The following SIRPA variants were observed in gnomAD, a reference collection of about 807,000 sequenced individuals.
SIRPA encodes the protein tyrosine-protein phosphatase non-receptor type substrate 1.
In SIRPA, 9 loss-of-function variants were observed where a neutral mutation model predicts 50.3. The observed-to-expected ratio is 0.18, with a 90% confidence interval of 0.11 to 0.31. SIRPA has a LOEUF of 0.31. Ranked by LOEUF, SIRPA falls within the 10% of genes least tolerant of loss-of-function variation. The pLI is 1.00. For missense variants in SIRPA, 474 were observed against 661.6 expected (o/e 0.72, Z 3.11); for synonymous variants, 265 against 284.1 (o/e 0.93, Z 0.68).
chr20:1,928,353 C>G lies in SIRPA; in HGVS notation c.1226+454C>G. 6.6e-6 allele frequency among the ~76,000 whole-genome samples: 1 copy of G among 152,302 alleles called. No individual in the cohort carries two copies. The highest frequency in any genetic ancestry group is 2.4e-5 in the African/African-American group (1 of 41,562). ...ATAGAATCTGTGCCCTCTGCAAGCTCACAGCCTGGTCAGAGGCTCAGACGG... is the reference window on the plus strand; with the variant it reads ...ATAGAATCTGTGCCCTCTGCAAGCTGACAGCCTGGTCAGAGGCTCAGACGG... On this transcript the variant is annotated intron_variant, in intron 6 of 7. Transcript: ENST00000358771. The surrounding 1 kb of genome is among the most constrained non-coding windows in gnomAD (Gnocchi z 4.9).
At chr20:1,917,611 C>T (rs1223653574) in intron 2 of SIRPA, among the ~76,000 whole-genome samples, 1 of 152,178 alleles carries the variant, frequency 6.6e-6, no homozygotes, top group Non-Finnish European at 1.5e-5. Flanking sequence ...CTGCAGATGT[C>T]TCATGATATG....
chr20:1,921,636 C>T lies in SIRPA; in HGVS notation c.678C>T (p.Val226=). ...CCCGCGAGGACGTTCACTCTCAAGT[C>T]ATCTGCGAGGTGGCCCACGTCACCT... is the stretch of plus-strand genomic sequence containing the variant. ...VLTREDVHSQ[V]ICEVAHVTLQ... Residue 226 remains valine (V), a synonymous_variant, in exon 3 of 8, where the codon GTC becomes GTT. Transcript: ENST00000358771. The T allele has an allele frequency of 1.2e-6, 2 of 1,614,232 alleles. No individual in the cohort carries two copies. The highest frequency in any genetic ancestry group is 1.7e-6 in the Non-Finnish European group (2 of 1,180,034).
intron 4 of SIRPA, among the ~76,000 whole-genome samples, chr20:1,923,302 A>C (rs1209491242): frequency 1.3e-5 from 2 of 152,202 alleles, no homozygotes; most frequent in African/African-American, 2.4e-5. Context: ...TTTGTTTTCA[A>C]ATGGTGGCAC....
rs1986329552 is a variant in SIRPA, at chr20:1,932,082, ATTC to A, written c.1227-2632_1227-2630del. Reference sequence around the variant, plus strand: ...CATTCATTCATTCATTCATTCATTCATTCAGCAAATACATATGGACTGCTGACG... The same window carrying A: ...CATTCATTCATTCATTCATTCATTCAAGCAAATACATATGGACTGCTGACG... On this transcript the variant is annotated intron_variant, in intron 6 of 7. Coordinates refer to ENST00000358771, the MANE Select transcript of SIRPA (RefSeq NM_001040023.2). This position sits in a 1 kb window ranked among gnomAD's most constrained non-coding sequence, Gnocchi z 6.0. 6.6e-6 allele frequency among the ~76,000 whole-genome samples: 1 copy of A among 152,098 alleles called. No homozygotes were observed. The highest frequency in any genetic ancestry group is 1.5e-5 in the Non-Finnish European group (1 of 68,038).
intron 1 of SIRPA, among the ~76,000 whole-genome samples, chr20:1,900,108 T>G (rs999641776): frequency 4.4e-4 from 66 of 150,436 alleles, no homozygotes; most frequent in Non-Finnish European, 8.4e-4. Context: ...TTTTTCTTTT[T>G]TTTTTTTTTG....
rs990415412 is a variant in SIRPA at position 1,917,270 on chromosome 20, T to A, written c.436+1815T>A. Among the ~76,000 whole-genome samples, 10 of 152,220 alleles carry A rather than the reference T, an allele frequency of 6.6e-5. 2 individuals are homozygous for A. The highest frequency in any genetic ancestry group is 1.9e-4 in the East Asian group (1 of 5,168). The stretch of plus-strand genomic sequence containing the variant: ...CCTTTACAGATAAGGACTCTGAGGC[T>A]CAGAGAGGAGACCTGTGTGGTGAGC... On this transcript the variant is annotated intron_variant, in intron 2 of 7. Transcript: ENST00000358771.
rs773473733 is a variant in SIRPA, at chr20:1,922,603, G to T, written c.1045G>T (p.Val349Phe). The T allele has an allele frequency of 1.2e-6, 2 of 1,613,910 alleles. No homozygotes were observed. Among genetic ancestry groups the T allele is most frequent in the East Asian group, 4.5e-5 (2 of 44,878 alleles). Reference protein sequence around the residue: ...PAVSKSHDLKVSAHPKEQGSN... With the variant: ...PAVSKSHDLKFSAHPKEQGSN... ...GGTCAGCAAAAGCCATGACCTGAAG[G>T]TCTCAGCCCACCCGAAGGAGCAGGG... Residue 349 changes from valine (V) to phenylalanine (F), a missense_variant, in exon 4 of 8, where the codon GTC (valine) becomes TTC (phenylalanine). Val to Phe is a conservative substitution (Grantham distance 50). Coordinates refer to ENST00000358771, the MANE Select transcript of SIRPA (RefSeq NM_001040023.2).
chr20:1,929,976 CTG>C (rs1022658658), intron 6 of SIRPA, among the ~76,000 whole-genome samples: 2 of 152,134 alleles, frequency 1.3e-5, no homozygotes, highest in African/African-American at 4.8e-5. Flanking sequence ...CTCAACCACA[CTG>C]TGCTCCCCCC....
At chr20:1,919,272 G>T (rs559263030) in intron 2 of SIRPA, among the ~76,000 whole-genome samples, 2 of 152,368 alleles carry the variant, frequency 1.3e-5, no homozygotes, top group South Asian at 2.1e-4. Context: ...CCTGGCATGG[G>T]CCTAGGCATC....
chr20:1,919,400 G>T (rs1232492496), intron 2 of SIRPA, among the ~76,000 whole-genome samples: 2 of 152,160 alleles, frequency 1.3e-5, no homozygotes, highest in Non-Finnish European at 2.9e-5. Flanking sequence ...TGGGGTGCCA[G>T]ATGGGAGAAC....
Position 1,933,211 on chromosome 20 carries a change from C to T in SIRPA, c.1227-1504C>T, listed in dbSNP as rs1003397959. Among the ~76,000 whole-genome samples, 2 of 152,104 alleles carry T rather than the reference C, an allele frequency of 1.3e-5. No individual in the cohort carries two copies. Among genetic ancestry groups the T allele is most frequent in the East Asian group, 3.9e-4 (2 of 5,192 alleles). The stretch of plus-strand genomic sequence containing the variant: ...CAGACAGCAATAGAAACCAGATATG[C>T]AGATAGACAGGAGATCTGAGATTGT... On this transcript the variant is annotated intron_variant, in intron 6 of 7. Transcript: ENST00000358771. The surrounding 1 kb of genome is among the most constrained non-coding windows in gnomAD (Gnocchi z 4.4).
In SIRPA at chr20:1,937,856, A is replaced by C; in HGVS notation, c.*288A>C. 6.6e-6 allele frequency: 3 copies of C among 451,900 alleles called. No individual in the cohort carries two copies. Among genetic ancestry groups the C allele is most frequent in the East Asian group, 3.6e-5 (1 of 27,848 alleles). The allele number at this position is 451,900 out of a possible 1,614,324, so 28.0% of individuals were successfully genotyped here. A position where few individuals can be genotyped will look rare whatever the true frequency, so the allele number is the denominator to read the frequency against. ...GGCCAGAACTGCCTGGGGTCCAAGA[A>C]CTCTTGTGCCTCCGTCCATCACCAT... On this transcript the variant is annotated 3_prime_UTR_variant, in exon 8 of 8. Coordinates refer to ENST00000358771, the MANE Select transcript of SIRPA (RefSeq NM_001040023.2). This position sits in a 1 kb window ranked among gnomAD's most constrained non-coding sequence, Gnocchi z 8.3.
At chr20:1,899,103 T>A (rs774661870) in intron 1 of SIRPA, among the ~76,000 whole-genome samples, 4 of 151,518 alleles carry the variant, frequency 2.6e-5, no homozygotes, top group Admixed American at 2.6e-4. Flanking sequence ...GTTTCCCCCC[T>A]CTCTCTCTCT....
intron 2 of SIRPA, among the ~76,000 whole-genome samples, chr20:1,917,239 T>A (rs1985359165): frequency 6.6e-6 from 1 of 152,176 alleles, no homozygotes; most frequent in Admixed American, 6.5e-5. Flanking sequence ...GAGCCATTTC[T>A]TGCCCCCTTT....
At position 1,924,923 on chromosome 20, in the gene SIRPA, G is replaced by C; in HGVS notation, c.1201+46G>C. ...CTCCCTAAGGGTTTGTCCCTGGACT[G>C]TCCTCGGAGGGAGACGCCATTAGGT... is the stretch of plus-strand genomic sequence containing the variant. On this transcript the variant is annotated intron_variant, in intron 5 of 7. Coordinates refer to ENST00000358771, the MANE Select transcript of SIRPA (RefSeq NM_001040023.2). This position sits in a 1 kb window ranked among gnomAD's most constrained non-coding sequence, Gnocchi z 4.5. 1 of 1,484,364 alleles carries C rather than the reference G, an allele frequency of 6.7e-7. No individual in the cohort carries two copies. The highest frequency in any genetic ancestry group is 1.1e-5 in the South Asian group (1 of 88,082). The allele number at this position is 1,484,364 out of a possible 1,614,324, so 91.9% of individuals were successfully genotyped here. A position where few individuals can be genotyped will look rare whatever the true frequency, so the allele number is the denominator to read the frequency against.
At chr20:1,920,624 C>T (rs1985592443) in intron 2 of SIRPA, among the ~76,000 whole-genome samples, 1 of 152,174 alleles carries the variant, frequency 6.6e-6, no homozygotes, top group African/African-American at 2.4e-5. Context: ...CCAAAGAAGA[C>T]CGCAGATTCA....
chr20:1,895,540 CG>C lies in SIRPA; in HGVS notation c.79+15del. The C allele has an allele frequency of 1.4e-6, 2 of 1,432,154 alleles. No individual in the cohort carries two copies. Among genetic ancestry groups the C allele is most frequent in the East Asian group, 3.0e-5 (1 of 33,126 alleles). 88.7% of individuals were successfully genotyped at this position (1,432,154 alleles called of 1,614,324 possible). On this transcript the variant is annotated intron_variant, in intron 1 of 7. Coordinates refer to ENST00000358771, the MANE Select transcript of SIRPA (RefSeq NM_001040023.2). ...GCGCCTGGTCAGGTAAGCACCCCCC[CG>C]CTCCCCACCGCTGCACTCCCCAAAC... is the stretch of plus-strand genomic sequence containing the variant.
rs1986613602 is a variant in SIRPA, at chr20:1,937,043, A to G, written c.1267-277A>G. On this transcript the variant is annotated intron_variant, in intron 7 of 7. Coordinates refer to ENST00000358771, the MANE Select transcript of SIRPA (RefSeq NM_001040023.2). The surrounding 1 kb of genome is among the most constrained non-coding windows in gnomAD (Gnocchi z 8.3). ...GTGGTTCAGGCTAGGAGGAGGCAGG[A>G]ACGGGAGGAGGTGACACTGAGGCGG... Among the ~76,000 whole-genome samples, 3 of 152,164 alleles carry G rather than the reference A, an allele frequency of 2.0e-5. No individual in the cohort carries two copies.
In SIRPA at chr20:1,898,568, T is replaced by C. The variant is rs912487232; in HGVS notation, c.79+3042T>C. Among the ~76,000 whole-genome samples the C allele has an allele frequency of 2.6e-5, 4 of 151,960 alleles. No individual in the cohort carries two copies. Among genetic ancestry groups the C allele is most frequent in the Non-Finnish European group, 5.9e-5 (4 of 67,998 alleles). ...CATTCTGCAGATGCAGAAAATCGAG[T>C]CCCAAACTGGGGAACTAACTTATAA... is the stretch of plus-strand genomic sequence containing the variant. On this transcript the variant is annotated intron_variant, in intron 1 of 7. Transcript: ENST00000358771. This position sits in a 1 kb window ranked among gnomAD's most constrained non-coding sequence, Gnocchi z 4.3.
Sources: gnomAD v4.1 joint callset for allele counts (sites outside exome capture counted in the v4.1 genomes callset) on GRCh38, gnomAD v4.1.1 for gene constraint, Gnocchi (gnomAD v3.1) non-coding constraint, MANE v1.5 for transcripts, NCBI Gene and HGNC (gene_info 2026-07-23, HGNC 2026-07-21) for gene names.